Variants in CNKSR2 observed in about 807,000 individuals in gnomAD.
The protein encoded by CNKSR2 is CNK homolog protein 2.
Under a neutral mutation model 84.4 loss-of-function variants are expected in CNKSR2, and 14 were observed. The ratio of observed to expected loss-of-function variants is 0.17; its 90% CI spans 0.11 to 0.26. The LOEUF is 0.26. CNKSR2 is among the 10% of genes least tolerant of loss of function. The probability of loss-of-function intolerance (pLI) is 1.00; values close to 1 mark genes in which losing one functional copy is unlikely to be tolerated. For synonymous variants in CNKSR2, 275 were observed against 277.9 expected (o/e 0.99, Z 0.10); for missense variants, 485 against 771.2 (o/e 0.63, Z 4.40).
At chrX:21,628,477 C>T (rs976540736) in intron 20 of CNKSR2, among the ~76,000 whole-genome samples, 4 of 111,616 alleles carry the variant, frequency 3.6e-5, no homozygotes, top group Admixed American at 9.5e-5. Flanking sequence ...ATGAGAACCC[C>T]GTCCCTGCAG....
intron 1 of CNKSR2, among the ~76,000 whole-genome samples, chrX:21,405,257 A>G (rs1054527894): frequency 8.9e-6 from 1 of 111,825 alleles, no homozygotes; most frequent in Non-Finnish European, 1.9e-5. Flanking sequence ...ATTAATATCC[A>G]TATACTATTG....
At chrX:21,537,540 G>T (rs2091939442) in intron 11 of CNKSR2, among the ~76,000 whole-genome samples, 1 of 111,082 alleles carries the variant, frequency 9.0e-6, no homozygotes, top group Non-Finnish European at 1.9e-5. Context: ...ATTTCTGGGT[G>T]CTCCTGTGTT....
At chrX:21,602,955 G>A (rs2092492254) in intron 18 of CNKSR2, among the ~76,000 whole-genome samples, 1 of 111,928 alleles carries the variant, frequency 8.9e-6, no homozygotes, top group Non-Finnish European at 1.9e-5. Flanking sequence ...CTTAACTTCT[G>A]TATTTTATTA....
At chrX:21,474,161 T>C (rs907276162) in intron 5 of CNKSR2, among the ~76,000 whole-genome samples, 1 of 111,380 alleles carries the variant, frequency 9.0e-6, no homozygotes, top group African/African-American at 3.3e-5. Context: ...GTTTTAATGT[T>C]TTCCTTGTTT....
intron 9 of CNKSR2, among the ~76,000 whole-genome samples, chrX:21,517,578 TATG>T (rs759069336): frequency 9.0e-6 from 1 of 111,533 alleles, no homozygotes; most frequent in Non-Finnish European, 1.9e-5. Context: ...GTTATAAAAA[TATG>T]ATTCTGATTG....
chrX:21,617,709 T>G (rs1260544648), intron 20 of CNKSR2, among the ~76,000 whole-genome samples: 1 of 111,479 alleles, frequency 9.0e-6, no homozygotes, highest in African/African-American at 3.3e-5. Context: ...ACTTTTTTGA[T>G]ATGGCGTTAG....
intron 11 of CNKSR2, among the ~76,000 whole-genome samples, chrX:21,551,494 A>G (rs1285930164): frequency 8.9e-6 from 1 of 112,615 alleles, no homozygotes; most frequent in Non-Finnish European, 1.9e-5. Context: ...ACCTCTTCAG[A>G]TGAATTAATC....
intron 5 of CNKSR2, among the ~76,000 whole-genome samples, chrX:21,482,375 G>C (rs960430187): frequency 9.6e-6 from 1 of 104,600 alleles, no homozygotes; most frequent in Non-Finnish European, 1.9e-5. Context: ...CATGAACTTT[G>C]TTGTGTGACA....
At chrX:21,416,120 A>C (rs1052897455) in intron 1 of CNKSR2, among the ~76,000 whole-genome samples, 1 of 111,279 alleles carries the variant, frequency 9.0e-6, no homozygotes, top group East Asian at 2.8e-4. Context: ...TGTTCCTTCT[A>C]TACTCAGTTT....
At chrX:21,427,609 C>A (rs1221117026) in intron 2 of CNKSR2, 2 of 112,232 alleles carry the variant, frequency 1.8e-5, no homozygotes, top group Admixed American at 1.9e-4. Context: ...TCCGTTTACC[C>A]TGCTAAGTCT....
chrX:21,575,757 G>A (rs1335649124), intron 13 of CNKSR2, among the ~76,000 whole-genome samples: 3 of 111,480 alleles, frequency 2.7e-5, no homozygotes, highest in Non-Finnish European at 3.8e-5. Context: ...TTTAGCCAAC[G>A]GACTCTCTTT....
chrX:21,509,079 T>C (rs2091643524), intron 8 of CNKSR2, among the ~76,000 whole-genome samples: 1 of 112,190 alleles, frequency 8.9e-6, no homozygotes, highest in African/African-American at 3.2e-5. Flanking sequence ...GTTAGTGCTT[T>C]CTTTTTAAAT....
At chrX:21,553,093 A>C (rs2092107996) in intron 11 of CNKSR2, among the ~76,000 whole-genome samples, 1 of 111,836 alleles carries the variant, frequency 8.9e-6, no homozygotes, top group African/African-American at 3.2e-5. Context: ...GTAATCCTCC[A>C]CTAGTTCTTC....
chrX:21,413,442 T>C (rs1183623530), intron 1 of CNKSR2, among the ~76,000 whole-genome samples: 1 of 111,230 alleles, frequency 9.0e-6, no homozygotes, highest in African/African-American at 3.3e-5. Flanking sequence ...TTATCCTTTG[T>C]GTTACAAACA....
intron 8 of CNKSR2, among the ~76,000 whole-genome samples, chrX:21,510,846 TATGA>T (rs1216726118): frequency 8.9e-6 from 1 of 112,042 alleles, no homozygotes; most frequent in Non-Finnish European, 1.9e-5. Flanking sequence ...TAGTAAGCTA[TATGA>T]CTTGCTGTTG....
chrX:21,431,456 G>T (rs1220939404), intron 2 of CNKSR2, among the ~76,000 whole-genome samples: 2 of 111,131 alleles, frequency 1.8e-5, no homozygotes, highest in Non-Finnish European at 3.8e-5. Flanking sequence ...TGTTAAAAAA[G>T]AAATCTTCCC....
At chrX:21,642,557 CTG>C (rs2092695144) in intron 20 of CNKSR2, 1 of 735,594 alleles carries the variant, frequency 1.4e-6, no homozygotes, top group Admixed American at 8.8e-5. Context: ...ATAAGATACA[CTG>C]TAATAATTTT....
At chrX:21,460,968 T>C (rs928235734) in intron 4 of CNKSR2, among the ~76,000 whole-genome samples, 14 of 112,853 alleles carry the variant, frequency 1.2e-4, no homozygotes, top group African/African-American at 4.2e-4. Flanking sequence ...AAATCTTGGC[T>C]ATTGTGAACA....
In CNKSR2 at chrX:21,390,176, T is replaced by A. The variant is rs775515823; in HGVS notation, c.64+15215T>A. On this transcript the variant is annotated intron_variant, in intron 1 of 21. Coordinates refer to ENST00000379510, the MANE Select transcript of CNKSR2 (RefSeq NM_014927.5). ...TGTGGGAATGTTAAGCAAGGCATGA[T>A]AATTTTTAAGTAAATAAATCTTGTG... Among the ~76,000 whole-genome samples, 3 of 112,241 alleles carry A rather than the reference T, an allele frequency of 2.7e-5. No individual in the cohort carries two copies. The South Asian group carries it at 1.1e-3, about 41-fold the overall frequency.
Sources: allele counts gnomAD v4.1 joint callset (sites outside exome capture counted in the v4.1 genomes callset), GRCh38; gene constraint gnomAD v4.1.1; transcripts MANE v1.5; gene names NCBI Gene and HGNC (gene_info 2026-07-23, HGNC 2026-07-21).